Variants in PRH1 observed in about 807,000 individuals in gnomAD.
PRH1 encodes the protein proline rich protein HaeIII subfamily 1, also known as salivary acidic proline-rich phosphoprotein 1/2.
PRH1 carries 7 observed loss-of-function variants against 7.9 expected under a neutral mutation model. The observed-to-expected ratio is 0.89, with a 90% confidence interval of 0.50 to 1.67. The LOEUF (loss-of-function observed/expected upper bound fraction) is 1.67. Ranked by LOEUF, PRH1 falls within the 40% of genes most tolerant of loss-of-function variation. The pLI is 0.00. For synonymous variants in PRH1, 45 were observed against 80.8 expected (o/e 0.56, Z 2.38); for missense variants, 109 against 223.6 (o/e 0.49, Z 3.27).
rs142679816 is a variant in PRH1 at position 10,984,057 on chromosome 12, C to T, written c.-125-10336G>A. On this transcript the variant is annotated intron_variant, in intron 1 of 3. Coordinates refer to the PRH1 transcript ENST00000539853. ...GTTTTAAAATATTCTATAAAAGTCA[C>T]GTTTTAGTAAGGTAGTTGGTAACTA... is the stretch of plus-strand genomic sequence containing the variant. Among the ~76,000 whole-genome samples, 592 of 148,380 alleles carry T rather than the reference C, an allele frequency of 4.0e-3. 2 individuals are homozygous for T. Among genetic ancestry groups the T allele is most frequent in the Non-Finnish European group, 7.1e-3 (480 of 67,502 alleles).
chr12:11,127,987 G>C (rs1294720366), intron 1 of PRH1, among the ~76,000 whole-genome samples: 1 of 151,836 alleles, frequency 6.6e-6, no homozygotes, highest in Non-Finnish European at 1.5e-5. Context: ...GCAGGCGCCT[G>C]TAGTCCCAGC....
intron 2 of PRH1, chr12:10,938,741 A>G (rs1950338255): frequency 6.2e-7 from 1 of 1,613,826 alleles, no homozygotes; most frequent in African/African-American, 1.3e-5. Flanking sequence ...GTATCCATTG[A>G]TACTGGCATT....
intron 1 of PRH1, among the ~76,000 whole-genome samples, chr12:10,979,541 G>A (rs1330925745): frequency 2.0e-5 from 3 of 152,174 alleles, no homozygotes; most frequent in Admixed American, 6.5e-5. Flanking sequence ...ATAGGACTTC[G>A]TAAGGATTTT....
intron 2 of PRH1, among the ~76,000 whole-genome samples, chr12:10,903,180 A>G (rs1032977564): frequency 4.6e-5 from 7 of 152,122 alleles, no homozygotes; most frequent in Admixed American, 6.5e-5. Flanking sequence ...TAACACAAAT[A>G]GAAAAGAAAA....
chr12:11,071,372 G>C (rs1944060465), intron 1 of PRH1, among the ~76,000 whole-genome samples: 1 of 152,156 alleles, frequency 6.6e-6, no homozygotes, highest in Non-Finnish European at 1.5e-5. Context: ...CAGAATGGTA[G>C]GGAAAATTAT....
intron 2 of PRH1, among the ~76,000 whole-genome samples, chr12:10,960,584 C>T (rs1482696866): frequency 6.6e-6 from 1 of 152,174 alleles, no homozygotes; most frequent in East Asian, 1.9e-4. Context: ...AAAAGCACTG[C>T]TTCACTGTTT....
chr12:11,000,733 G>C (rs59016976), intron 1 of PRH1, among the ~76,000 whole-genome samples: 4,852 of 152,016 alleles, frequency 0.032, 257 homozygotes, highest in African/African-American at 0.11. Context: ...TATCCTCTTA[G>C]CTTGGCATTC....
At chr12:11,123,501 C>T (rs1417365580) in intron 1 of PRH1, among the ~76,000 whole-genome samples, 1 of 152,152 alleles carries the variant, frequency 6.6e-6, no homozygotes, top group African/African-American at 2.4e-5. Context: ...TCCAACAAGA[C>T]ACTATTGTTT....
chr12:10,917,129 A>G (rs1249989390), intron 2 of PRH1, among the ~76,000 whole-genome samples: 1 of 152,042 alleles, frequency 6.6e-6, no homozygotes, highest in African/African-American at 2.4e-5. Flanking sequence ...ACAGATATGT[A>G]TATATTTGTA....
intron 2 of PRH1, among the ~76,000 whole-genome samples, chr12:10,962,034 C>T (rs1256211896): frequency 6.6e-6 from 1 of 152,214 alleles, no homozygotes; most frequent in Non-Finnish European, 1.5e-5. Flanking sequence ...GCCTCAATTT[C>T]CACGCGTCCC....
In PRH1 at chr12:10,932,819, C is replaced by A. The variant is rs140572226; in HGVS notation, c.-59+40836G>T. Among the ~76,000 whole-genome samples the A allele has an allele frequency of 9.2e-5, 14 of 151,752 alleles. No individual in the cohort carries two copies. In the East Asian group the frequency reaches 2.5e-3, roughly 27 times the overall value. ...GGCAGCATAATTTGAAGGGCAATTG[C>A]GTGTGAAAATTGATGTGACTTGATT... On this transcript the variant is annotated intron_variant, in intron 2 of 3. Coordinates refer to the PRH1 transcript ENST00000539853.
intron 1 of PRH1, among the ~76,000 whole-genome samples, chr12:10,988,752 C>A (rs1939778792): frequency 6.6e-6 from 1 of 152,082 alleles, no homozygotes; most frequent in Admixed American, 6.5e-5. Context: ...GCCCCTACAC[C>A]TTTCTTCACA....
At chr12:11,051,110 G>A (rs1591895305), upstream of PRH1, among the ~76,000 whole-genome samples, 1 of 152,238 alleles carries the variant, frequency 6.6e-6, no homozygotes, top group South Asian at 2.1e-4. Flanking sequence ...AAGTGATATA[G>A]GTATTCTGCT....
intron 1 of PRH1, among the ~76,000 whole-genome samples, chr12:11,161,372 T>C (rs1947407758): frequency 6.6e-6 from 1 of 152,184 alleles, no homozygotes; most frequent in African/African-American, 2.4e-5. Flanking sequence ...GTGGGAGAAT[T>C]TGTTTAGAGG....
intron 1 of PRH1, among the ~76,000 whole-genome samples, chr12:11,054,939 C>CGCCTCACTGCAAGCTCT (rs1290983483): frequency 1.4e-5 from 2 of 145,452 alleles, no homozygotes; most frequent in South Asian, 2.2e-4. Flanking sequence ...CTGCAAGCTC[C>CGCCTCACTGCAAGCTCT]GCCTCACTGC....
chr12:11,077,926 T>C, intron 1 of PRH1: 2 of 966,266 alleles, frequency 2.1e-6, no homozygotes, highest in Non-Finnish European at 3.3e-6. Context: ...CTTGAGCAAA[T>C]AAAATATGCT....
intron 1 of PRH1, among the ~76,000 whole-genome samples, chr12:11,124,920 G>A (rs1048128608): frequency 6.6e-6 from 1 of 151,800 alleles, no homozygotes; most frequent in Non-Finnish European, 1.5e-5. Context: ...TTGGCTCACT[G>A]CAGCCTCTGC....
chr12:11,058,767 G>A (rs915498007), intron 1 of PRH1, among the ~76,000 whole-genome samples: 2 of 152,162 alleles, frequency 1.3e-5, no homozygotes, highest in African/African-American at 4.8e-5. Context: ...AATCCCTATG[G>A]AATTAGTGCA....
intron 1 of PRH1, among the ~76,000 whole-genome samples, chr12:11,033,460 C>G (rs1249047017): frequency 6.6e-6 from 1 of 152,196 alleles, no homozygotes; most frequent in Non-Finnish European, 1.5e-5. Flanking sequence ...TTTGAAGGGT[C>G]TTCTCCTGCA....
Sources: allele counts gnomAD v4.1 joint callset (sites outside exome capture counted in the v4.1 genomes callset), GRCh38; gene constraint gnomAD v4.1.1; transcripts MANE v1.5; gene names NCBI Gene and HGNC (gene_info 2026-07-23, HGNC 2026-07-21).